FRMD6: variants seen among roughly 807,000 people sequenced by gnomAD.
The protein encoded by FRMD6 is FERM domain-containing protein 6.
Under a neutral mutation model 73.2 loss-of-function variants are expected in FRMD6, and 37 were observed. The ratio of observed to expected loss-of-function variants is 0.51; its 90% CI spans 0.39 to 0.66. The LOEUF is 0.66. Among genes scored for constraint, FRMD6 ranks in the 30% least tolerant of loss-of-function variants. FRMD6 has a pLI of 0.00. For synonymous variants in FRMD6, 273 were observed against 282.2 expected (o/e 0.97, Z 0.33); for missense variants, 714 against 780.5 (o/e 0.91, Z 1.02).
the FRMD6 span, among the ~76,000 whole-genome samples, chr14:51,466,209 T>C: frequency 2.0e-5 from 3 of 152,228 alleles, no homozygotes; most frequent in African/African-American, 7.2e-5. Context: ...AATATTTTCT[T>C]GCATTTACAT....
At chr14:51,458,251 C>T in the FRMD6 span, among the ~76,000 whole-genome samples, 1 of 152,110 alleles carries the variant, frequency 6.6e-6, no homozygotes, top group African/African-American at 2.4e-5. Flanking sequence ...CTTGCATGGC[C>T]CCTTTCCCAT....
chr14:51,687,305 T>C (rs1895234418), intron 1 of FRMD6, among the ~76,000 whole-genome samples: 1 of 152,178 alleles, frequency 6.6e-6, no homozygotes, highest in African/African-American at 2.4e-5. Flanking sequence ...GAAGTACAGA[T>C]TTAAATAAGA....
intron 1 of FRMD6, among the ~76,000 whole-genome samples, chr14:51,687,933 G>C (rs1430768014): frequency 6.6e-6 from 1 of 152,036 alleles, no homozygotes; most frequent in East Asian, 1.9e-4. Flanking sequence ...GTAAAGTGGT[G>C]GTTTCCATCT....
the FRMD6 span, among the ~76,000 whole-genome samples, chr14:51,456,894 C>T: frequency 1.3e-5 from 2 of 152,016 alleles, no homozygotes; most frequent in African/African-American, 4.8e-5. Context: ...AGCTAGGCAT[C>T]AAAAGATAAA....
chr14:51,649,598 T>C (rs1435840153), upstream of FRMD6: 2 of 152,210 alleles, frequency 1.3e-5, no homozygotes, highest in African/African-American at 2.4e-5. Flanking sequence ...AGGTACCAAA[T>C]TAATTTAAGA....
At position 51,597,541 on chromosome 14, in the gene FRMD6, C is replaced by T. The variant is rs543077257; in HGVS notation, c.-147+27131C>T. On this transcript the variant is annotated intron_variant, in intron 2 of 14. Coordinates refer to the FRMD6 transcript ENST00000356218. ...TTTGGCTGGAATGCAGAATGTGTAA[C>T]GAGGAAAGGCAGCTCTGCCACCCTG... Among the ~76,000 whole-genome samples, 10 of 152,226 alleles carry T rather than the reference C, an allele frequency of 6.6e-5. No homozygotes were observed. The South Asian group carries it at 8.3e-4, about 13-fold the overall frequency.
At chr14:51,457,370 CAAG>C in the FRMD6 span, among the ~76,000 whole-genome samples, 2 of 151,748 alleles carry the variant, frequency 1.3e-5, no homozygotes, top group East Asian at 1.9e-4. Flanking sequence ...AACAACAAAA[CAAG>C]AAGAAAAACG....
intron 1 of FRMD6, among the ~76,000 whole-genome samples, chr14:51,513,755 C>CTA (rs1252949211): frequency 6.0e-5 from 5 of 83,994 alleles, no homozygotes; most frequent in Non-Finnish European, 1.0e-4. Context: ...CTCTGAAATT[C>CTA]CATGTCTCCC....
the FRMD6 span, among the ~76,000 whole-genome samples, chr14:51,447,365 G>T: frequency 6.6e-6 from 1 of 152,116 alleles, no homozygotes; most frequent in African/African-American, 2.4e-5. Context: ...TTACCTGTGT[G>T]CTGCCTGCTC....
intron 1 of FRMD6, among the ~76,000 whole-genome samples, chr14:51,536,042 A>T (rs1281866608): frequency 6.8e-6 from 1 of 146,692 alleles, no homozygotes; most frequent in African/African-American, 2.5e-5. Flanking sequence ...GCCCATATAT[A>T]TATTATATTA....
chr14:51,703,445 A>G lies in FRMD6; in HGVS notation c.371+857A>G, dbSNP rs921406356. On this transcript the variant is annotated intron_variant, in intron 5 of 13. Coordinates refer to ENST00000344768, the MANE Select transcript of FRMD6 (RefSeq NM_001267046.2). ...TTTTTATCAATGCCAGATGCAAATT[A>G]AAAAGTAAAAAAATTAGCCCATAAG... Among the ~76,000 whole-genome samples, 12 of 152,114 alleles carry G rather than the reference A, an allele frequency of 7.9e-5. No individual in the cohort carries two copies. The East Asian group carries it at 2.3e-3, about 29-fold the overall frequency.
chr14:51,688,858 T>C (rs1187490411), intron 1 of FRMD6, among the ~76,000 whole-genome samples: 2 of 152,202 alleles, frequency 1.3e-5, no homozygotes, highest in Non-Finnish European at 2.9e-5. Context: ...TATTGAAAAT[T>C]GGAGATAAAA....
the FRMD6 span, among the ~76,000 whole-genome samples, chr14:51,482,893 G>T: frequency 1.3e-5 from 2 of 151,922 alleles, no homozygotes; most frequent in African/African-American, 4.8e-5. Context: ...GTAGAGACGG[G>T]GGGTTTCACT....
Position 51,729,675 on chromosome 14 carries a change from G to A in FRMD6, c.*1646G>A, listed in dbSNP as rs879178549. ...TTTCAGGTAACGAAATAGATGTAGG[G>A]TACAGTGGAACATAAGCAGTGTTAC... On this transcript the variant is annotated 3_prime_UTR_variant, in exon 14 of 14. Transcript: ENST00000344768. 2 of 152,482 alleles carry A rather than the reference G, an allele frequency of 1.3e-5. No individual in the cohort carries two copies. Among genetic ancestry groups the A allele is most frequent in the South Asian group, 4.1e-4 (2 of 4,824 alleles). 9.4% of individuals were successfully genotyped at this position (152,482 alleles called of 1,614,324 possible).
At chr14:51,609,502 T>C (rs74613400) in intron 2 of FRMD6, among the ~76,000 whole-genome samples, 1,778 of 152,320 alleles carry the variant, frequency 0.012, 40 homozygotes, top group African/African-American at 0.041. Context: ...GGTGATGTTT[T>C]TGCTGAGTCT....
chr14:51,485,035 C>G (rs576480474), upstream of FRMD6, among the ~76,000 whole-genome samples: 1 of 152,178 alleles, frequency 6.6e-6, no homozygotes, highest in Non-Finnish European at 1.5e-5. Context: ...TTATACCCTG[C>G]GAGGTCCTCA....
At chr14:51,501,344 A>C (rs190312201) in intron 1 of FRMD6, among the ~76,000 whole-genome samples, 58 of 152,168 alleles carry the variant, frequency 3.8e-4, no homozygotes, top group African/African-American at 1.4e-3. Context: ...TCCATAAACT[A>C]TGCTTCCTGA....
At chr14:51,642,522 G>A (rs1053067888) in intron 2 of FRMD6, among the ~76,000 whole-genome samples, 2 of 152,192 alleles carry the variant, frequency 1.3e-5, no homozygotes. Context: ...GGCGACAAGA[G>A]AGAAACTCCA....
At chr14:51,465,751 T>C in the FRMD6 span, among the ~76,000 whole-genome samples, 10 of 152,206 alleles carry the variant, frequency 6.6e-5, no homozygotes, top group Non-Finnish European at 1.3e-4. Flanking sequence ...TAAAATAAAG[T>C]TGCAATGAAC....
Sources: allele counts gnomAD v4.1 joint callset (sites outside exome capture counted in the v4.1 genomes callset), GRCh38; gene constraint gnomAD v4.1.1; transcripts MANE v1.5; gene names NCBI Gene and HGNC (gene_info 2026-07-23, HGNC 2026-07-21).